The following LYRM4 variants were observed in gnomAD, a reference collection of about 807,000 sequenced individuals.
LYRM4 encodes the protein LYR motif-containing protein 4.
In LYRM4, 9 loss-of-function variants were observed where a neutral mutation model predicts 11.7. The ratio of observed to expected loss-of-function variants is 0.77; its 90% CI spans 0.46 to 1.34. The LOEUF is 1.34. Ranked by LOEUF, LYRM4 falls within the 40% of genes most tolerant of loss-of-function variation. LYRM4 has a pLI of 0.00. For missense variants in LYRM4, 133 were observed against 112.5 expected, an observed-to-expected ratio of 1.18 and a Z score of -0.82; for synonymous variants, 42 against 40.4, an observed-to-expected ratio of 1.04 and a Z score of -0.15.
chr6:5,044,116 G>GTT, the LYRM4 span, among the ~76,000 whole-genome samples: 19 of 151,266 alleles, frequency 1.3e-4, no homozygotes, highest in East Asian at 7.8e-4. Flanking sequence ...TTTTTGTGGG[G>GTT]TTTTTTTTGT....
chr6:5,053,459 G>A, the LYRM4 span, among the ~76,000 whole-genome samples: 2 of 151,902 alleles, frequency 1.3e-5, no homozygotes, highest in African/African-American at 4.8e-5. Context: ...AGCAGAAGAG[G>A]GAGAGATGGA....
chr6:5,234,389 CT>C (rs1763415982), intron 1 of LYRM4, among the ~76,000 whole-genome samples: 1 of 152,226 alleles, frequency 6.6e-6, no homozygotes, highest in African/African-American at 2.4e-5. Context: ...GCCAGGTGCC[CT>C]TAGGCTATAA....
intron 1 of LYRM4, among the ~76,000 whole-genome samples, chr6:5,244,322 C>A (rs1764043936): frequency 6.6e-6 from 1 of 152,220 alleles, no homozygotes; most frequent in African/African-American, 2.4e-5. Flanking sequence ...GGGTGTACTG[C>A]ATTAAATATA....
At chr6:5,134,554 G>T (rs1005226266) in intron 2 of LYRM4, among the ~76,000 whole-genome samples, 4 of 152,160 alleles carry the variant, frequency 2.6e-5, no homozygotes, top group African/African-American at 7.2e-5. Flanking sequence ...GTTTTAAAAA[G>T]AATCATCTTT....
chr6:5,203,947 G>A (rs1044683596), intron 2 of LYRM4, among the ~76,000 whole-genome samples: 1 of 152,220 alleles, frequency 6.6e-6, no homozygotes, highest in South Asian at 2.1e-4. Context: ...TATAGATGAG[G>A]CTGCAGCTGT....
chr6:5,153,450 C>G (rs1758207778), intron 2 of LYRM4, among the ~76,000 whole-genome samples: 1 of 152,210 alleles, frequency 6.6e-6, no homozygotes, highest in African/African-American at 2.4e-5. Flanking sequence ...GTCTCTTGTG[C>G]CTGCCCAGCT....
the LYRM4 span, among the ~76,000 whole-genome samples, chr6:5,079,387 C>T: frequency 1.3e-3 from 194 of 152,326 alleles, 1 homozygote; most frequent in African/African-American, 4.4e-3. Flanking sequence ...AGGAAGGCAT[C>T]TTTCTTATAG....
At chr6:5,114,883 C>T (rs536171451) in intron 2 of LYRM4, among the ~76,000 whole-genome samples, 9 of 152,272 alleles carry the variant, frequency 5.9e-5, no homozygotes, top group African/African-American at 1.9e-4. Flanking sequence ...TATTTAGTTG[C>T]ATTTGGATAT....
chr6:5,082,944 C>G, the LYRM4 span, among the ~76,000 whole-genome samples: 1 of 152,206 alleles, frequency 6.6e-6, no homozygotes, highest in African/African-American at 2.4e-5. Context: ...ACCTTCCTCA[C>G]AGGCCTCCTG....
chr6:5,120,173 G>A (rs1763365173), intron 2 of LYRM4, among the ~76,000 whole-genome samples: 1 of 152,170 alleles, frequency 6.6e-6, no homozygotes, highest in Admixed American at 6.5e-5. Flanking sequence ...AGGATTATAG[G>A]CATGAGGCAC....
the LYRM4 span, among the ~76,000 whole-genome samples, chr6:5,061,026 G>A: frequency 6.6e-6 from 1 of 152,140 alleles, no homozygotes; most frequent in Admixed American, 6.6e-5. Flanking sequence ...AGCCTCAAGA[G>A]GGGACACAGG....
chr6:5,145,189 T>C (rs1757649703), intron 2 of LYRM4, among the ~76,000 whole-genome samples: 1 of 152,148 alleles, frequency 6.6e-6, no homozygotes, highest in Non-Finnish European at 1.5e-5. Context: ...GTCATATGAG[T>C]TGGAATCTGA....
At chr6:5,042,783 C>G in the LYRM4 span, 1 of 152,612 alleles carries the variant, frequency 6.6e-6, no homozygotes, top group Non-Finnish European at 1.5e-5. Flanking sequence ...TGTTGCTTTT[C>G]TTCTTTTGAA....
the LYRM4 span, among the ~76,000 whole-genome samples, chr6:5,058,241 C>T: frequency 6.6e-6 from 1 of 152,162 alleles, no homozygotes; most frequent in Non-Finnish European, 1.5e-5. Context: ...GGAGCCACTG[C>T]TTCTTTTTGT....
chr6:5,234,695 C>T (rs938970016), intron 1 of LYRM4, among the ~76,000 whole-genome samples: 7 of 151,314 alleles, frequency 4.6e-5, no homozygotes, highest in East Asian at 1.9e-4. Context: ...ATAAAAATAT[C>T]GAAGAAGGAA....
At chr6:5,135,874 C>T (rs567330744) in intron 2 of LYRM4, among the ~76,000 whole-genome samples, 1 of 152,292 alleles carries the variant, frequency 6.6e-6, no homozygotes, top group African/African-American at 2.4e-5. Context: ...TTTCATTTTC[C>T]TCCACTGAAA....
At position 5,145,036 on chromosome 6, in the gene LYRM4, G is replaced by A. The variant is rs371091773; in HGVS notation, c.208-35545C>T. Among the ~76,000 whole-genome samples the A allele has an allele frequency of 9.2e-5, 14 of 152,168 alleles. No individual in the cohort carries two copies. The East Asian group carries it at 1.9e-3, about 21-fold the overall frequency. ...TGGGAACATATTTGAGAGGTAAAAG[G>A]GCAGGCCCCATCTCCAGGCCTGGCG... On this transcript the variant is annotated intron_variant, in intron 2 of 2. Coordinates refer to ENST00000330636, the MANE Select transcript of LYRM4 (RefSeq NM_020408.6).
chr6:5,047,348 A>G, the LYRM4 span, among the ~76,000 whole-genome samples: 3 of 152,222 alleles, frequency 2.0e-5, no homozygotes, highest in African/African-American at 7.2e-5. Flanking sequence ...AGTCTTTGTC[A>G]AACCAGGATG....
the LYRM4 span, among the ~76,000 whole-genome samples, chr6:5,048,967 G>T: frequency 1.3e-5 from 2 of 152,200 alleles, no homozygotes; most frequent in Admixed American, 6.5e-5. Context: ...AGAGCCAGAA[G>T]ATAGAGTAGA....
Sources: gnomAD v4.1 joint callset for allele counts (sites outside exome capture counted in the v4.1 genomes callset) on GRCh38, gnomAD v4.1.1 for gene constraint, MANE v1.5 for transcripts, NCBI Gene and HGNC (gene_info 2026-07-23, HGNC 2026-07-21) for gene names.